EDIL3: variants seen among roughly 807,000 people sequenced by gnomAD.
EDIL3 encodes the protein EGF like and discoidin domains 3.
EDIL3 carries 37 observed loss-of-function variants against 67.4 expected under a neutral mutation model. That is an observed-to-expected ratio of 0.55 (90% CI 0.42 to 0.72). The LOEUF (loss-of-function observed/expected upper bound fraction) is 0.72, where lower values mean the gene tolerates loss of function less well. EDIL3 is among the 30% of genes least tolerant of loss of function. EDIL3 has a pLI of 0.00. For missense variants in EDIL3, 527 were observed against 586.3 expected, an observed-to-expected ratio of 0.90 and a Z score of 1.04; for synonymous variants, 195 against 196.3, an observed-to-expected ratio of 0.99 and a Z score of 0.05.
chr5:84,118,646 A>G (rs907238123), intron 5 of EDIL3, among the ~76,000 whole-genome samples: 1 of 152,306 alleles, frequency 6.6e-6, no homozygotes, highest in African/African-American at 2.4e-5. Context: ...GTCCTACTTC[A>G]TGGAAGCATT....
intron 1 of EDIL3, among the ~76,000 whole-genome samples, chr5:84,262,998 C>G (rs953009606): frequency 6.6e-6 from 1 of 152,018 alleles, no homozygotes; most frequent in Non-Finnish European, 1.5e-5. Flanking sequence ...TATATTATTT[C>G]TACCTATGAA....
At chr5:84,187,691 A>T (rs1343498318) in intron 3 of EDIL3, among the ~76,000 whole-genome samples, 1 of 151,990 alleles carries the variant, frequency 6.6e-6, no homozygotes, top group Admixed American at 6.6e-5. Flanking sequence ...ACATTTAATA[A>T]TTTTTTAACA....
chr5:84,258,500 G>A (rs1005366917), intron 1 of EDIL3, among the ~76,000 whole-genome samples: 3 of 152,154 alleles, frequency 2.0e-5, no homozygotes, highest in Non-Finnish European at 2.9e-5. Flanking sequence ...GGCAATCCAG[G>A]TAGAGTGAGG....
At chr5:84,273,808 A>G (rs1043945441) in intron 1 of EDIL3, among the ~76,000 whole-genome samples, 1 of 152,192 alleles carries the variant, frequency 6.6e-6, no homozygotes, top group African/African-American at 2.4e-5. Context: ...CACGCCTCTA[A>G]ATAGTTCTAC....
chr5:84,152,294 T>C (rs1217403853), intron 4 of EDIL3, among the ~76,000 whole-genome samples: 1 of 152,256 alleles, frequency 6.6e-6, no homozygotes, highest in East Asian at 1.9e-4. Flanking sequence ...TCATTATTAA[T>C]TTCTTTTAAT....
intron 5 of EDIL3, among the ~76,000 whole-genome samples, chr5:84,108,509 TTAG>T (rs1747503301): frequency 6.6e-6 from 1 of 152,198 alleles, no homozygotes; most frequent in African/African-American, 2.4e-5. Flanking sequence ...AAGCCATTCA[TTAG>T]TAGAATTGAA....
intron 1 of EDIL3, among the ~76,000 whole-genome samples, chr5:84,284,589 C>G (rs918896515): frequency 6.6e-6 from 1 of 152,104 alleles, no homozygotes; most frequent in Non-Finnish European, 1.5e-5. Flanking sequence ...TCCAAGGAAA[C>G]TAGTGGTAGG....
At chr5:84,093,155 T>C (rs1395601840) in intron 6 of EDIL3, among the ~76,000 whole-genome samples, 1 of 152,070 alleles carries the variant, frequency 6.6e-6, no homozygotes, top group Non-Finnish European at 1.5e-5. Flanking sequence ...TGCAGAATAA[T>C]TGCCATGTGA....
At chr5:84,075,411 G>A (rs570425933) in intron 6 of EDIL3, among the ~76,000 whole-genome samples, 64 of 152,204 alleles carry the variant, frequency 4.2e-4, no homozygotes, top group African/African-American at 1.5e-3. Context: ...AAGTTCACAG[G>A]AAGGTGATAA....
chr5:84,023,973 T>C lies in EDIL3; in HGVS notation c.1137+36327A>G, dbSNP rs1159540179. On this transcript the variant is annotated intron_variant, in intron 9 of 10. Coordinates refer to ENST00000296591, the MANE Select transcript of EDIL3 (RefSeq NM_005711.5). ...AAATTTGAATAATTAATTTTAATGT[T>C]TTCATTTATATGTAGTGCATTAAAA... 2.0e-5 allele frequency among the ~76,000 whole-genome samples: 3 copies of C among 152,286 alleles called. No individual in the cohort carries two copies. The East Asian group carries it at 5.8e-4, about 29-fold the overall frequency.
At position 84,243,178 on chromosome 5, in the gene EDIL3, G is replaced by A. The variant is rs116948202; in HGVS notation, c.196+10906C>T. On this transcript the variant is annotated intron_variant, in intron 2 of 10. Transcript: ENST00000296591. ...CTTTGTCTTTGGCATTACAGTGACC[G>A]ATAAACTGCATACAAAGACTATCTG... is the stretch of plus-strand genomic sequence containing the variant. Among the ~76,000 whole-genome samples the A allele has an allele frequency of 2.2e-3, 342 of 152,284 alleles. 5 individuals are homozygous for A. The East Asian group carries it at 0.056, about 25-fold the overall frequency.
chr5:84,063,760 G>A (rs1746583368), intron 8 of EDIL3, among the ~76,000 whole-genome samples: 1 of 152,052 alleles, frequency 6.6e-6, no homozygotes, highest in Non-Finnish European at 1.5e-5. Context: ...AAGTGGTATT[G>A]TTTTAGATTT....
intron 1 of EDIL3, among the ~76,000 whole-genome samples, chr5:84,343,298 G>C (rs1013667620): frequency 2.0e-5 from 3 of 151,626 alleles, no homozygotes; most frequent in Admixed American, 6.6e-5. Context: ...TACTCACTGA[G>C]TTCAGTACAT....
chr5:84,281,005 CATT>C (rs1374347289), intron 1 of EDIL3, among the ~76,000 whole-genome samples: 2 of 146,198 alleles, frequency 1.4e-5, no homozygotes, highest in Non-Finnish European at 3.0e-5. Context: ...TTCACAGGAT[CATT>C]GTGAAAATTA....
chr5:83,996,143 T>C (rs191266698), intron 9 of EDIL3, among the ~76,000 whole-genome samples: 2 of 152,300 alleles, frequency 1.3e-5, no homozygotes, highest in Admixed American at 6.5e-5. Context: ...TGGCAGTCAA[T>C]ACATTATGTA....
At chr5:84,312,465 A>G (rs1746423415) in intron 1 of EDIL3, among the ~76,000 whole-genome samples, 1 of 136,630 alleles carries the variant, frequency 7.3e-6, no homozygotes, top group African/African-American at 2.8e-5. Context: ...GGCCGGGCAG[A>G]GGCGCTCCTC....
At chr5:84,291,778 T>A (rs991610694) in intron 1 of EDIL3, among the ~76,000 whole-genome samples, 18 of 146,492 alleles carry the variant, frequency 1.2e-4, no homozygotes, top group African/African-American at 4.2e-4. Flanking sequence ...CTATATATCA[T>A]ATACAGATAT....
chr5:84,176,216 T>G (rs1211042170), intron 4 of EDIL3, among the ~76,000 whole-genome samples: 1 of 111,720 alleles, frequency 9.0e-6, no homozygotes, highest in Non-Finnish European at 1.9e-5. Flanking sequence ...TATATATATA[T>G]ATATATATAT....
chr5:84,070,606 AGT>A (rs35930293), intron 6 of EDIL3, among the ~76,000 whole-genome samples: 5,368 of 144,562 alleles, frequency 0.037, 149 homozygotes, highest in African/African-American at 0.084. Context: ...TATGGTTAAG[AGT>A]GTGTGTGTGT....
Sources: allele counts gnomAD v4.1 joint callset (sites outside exome capture counted in the v4.1 genomes callset), GRCh38; gene constraint gnomAD v4.1.1; transcripts MANE v1.5; gene names NCBI Gene and HGNC (gene_info 2026-07-23, HGNC 2026-07-21).